Variants in WDR64 observed in about 807,000 individuals in gnomAD.
The protein encoded by WDR64 is WD repeat domain 64, also known as WD repeat-containing protein 64.
A neutral mutation model predicts 139.3 loss-of-function variants in WDR64; 112 were observed. That is an observed-to-expected ratio of 0.80 (90% CI 0.69 to 0.94). The LOEUF is 0.94. Ranked by LOEUF, WDR64 falls within the 40% of genes least tolerant of loss-of-function variation. WDR64 has a pLI of 0.00. For missense variants in WDR64, 1,206 were observed against 1,293.1 expected (o/e 0.93, Z 1.03); for synonymous variants, 444 against 437.7 (o/e 1.01, Z -0.18).
At position 241,757,532 on chromosome 1, in the gene WDR64, A is replaced by C. The variant is rs577629468; in HGVS notation, c.1947+73A>C. ...GAAATTTACAAACATATATAAAGGT[A>C]CAGAAAATAATACAAAGAGCTTCTA... On this transcript the variant is annotated intron_variant, in intron 15 of 27. Transcript: ENST00000437684. 9.9e-5 allele frequency: 138 copies of C among 1,387,844 alleles called. No homozygotes were observed. The African/African-American group carries it at 1.8e-3, about 18-fold the overall frequency. The allele number at this position is 1,387,844 out of a possible 1,614,324, so 86.0% of individuals were successfully genotyped here. A position where few individuals can be genotyped will look rare whatever the true frequency, so the allele number is the denominator to read the frequency against.
chr1:241,716,902 T>C (rs1384207721), intron 9 of WDR64, among the ~76,000 whole-genome samples: 1 of 152,206 alleles, frequency 6.6e-6, no homozygotes, highest in Non-Finnish European at 1.5e-5. Context: ...TTAAGAGGCC[T>C]AGATATTTCT....
chr1:241,784,953 G>GAAAAAAAAAAAAAAAAAA lies in WDR64; in HGVS notation c.2705+1578_2705+1595dup, dbSNP rs58720618. ...TGGGCGACAGAGTGAGACTCTGTCTGAAAAAAAAAAAAAAAAAAAAAAAGA... is the reference window on the plus strand; with the variant it reads ...TGGGCGACAGAGTGAGACTCTGTCTGAAAAAAAAAAAAAAAAAAAAAAAAAAAAAAAAAAAAAAAAAGA... On this transcript the variant is annotated intron_variant, in intron 23 of 27. Coordinates refer to ENST00000437684, the MANE Select transcript of WDR64 (RefSeq NM_001367482.1). Among the ~76,000 whole-genome samples, 158 of 62,180 alleles carry GAAAAAAAAAAAAAAAAAA rather than the reference G, an allele frequency of 2.5e-3. 1 individual carries two copies. Among genetic ancestry groups the GAAAAAAAAAAAAAAAAAA allele is most frequent in the South Asian group, 5.4e-3 (6 of 1,108 alleles). The allele number at this position is 62,180 out of a possible 152,430, so 40.8% of individuals were successfully genotyped here.
intron 15 of WDR64, among the ~76,000 whole-genome samples, chr1:241,762,862 G>C (rs1461559087): frequency 6.6e-6 from 1 of 151,774 alleles, no homozygotes; most frequent in African/African-American, 2.4e-5. Context: ...TACTGTATTA[G>C]TTTTCCTCAT....
At position 241,683,577 on chromosome 1, in the gene WDR64, C is replaced by T. The variant is rs764539282; in HGVS notation, c.715C>T (p.Leu239Phe). 7.1e-6 allele frequency: 11 copies of T among 1,551,500 alleles called. No homozygotes were observed. The South Asian group carries it at 1.2e-4, about 17-fold the overall frequency. The change falls in exon 7 of 28, where the codon CTC becomes TTC. Residue 239 changes from leucine (L) to phenylalanine (F), a missense_variant. By Grantham distance (22) the Leu-to-Phe change is conservative. Transcript: ENST00000437684. ...LPDHLCRDDI[L>F]LGDDGGFVNR... ...TGACCATCTCTGCCGAGATGACATC[C>T]TCTTGGGGGATGATGGGGGTTTTGT...
chr1:241,675,017 CTT>C (rs1311972157), intron 4 of WDR64, among the ~76,000 whole-genome samples: 4 of 39,196 alleles, frequency 1.0e-4, no homozygotes, highest in South Asian at 1.1e-3. Flanking sequence ...TCCTTCCTTT[CTT>C]CTTCCTTCCC....
chr1:241,771,698 G>A lies in WDR64; in HGVS notation c.2290+1G>A. On this transcript the variant is annotated splice_donor_variant, in intron 19 of 27. Transcript: ENST00000437684. LOFTEE classifies it high-confidence loss of function. ...AGCATACATGACAGTGAGGTTAAAG[G>A]TCAGTATGAAATCACCTCTCTTCTT... is the stretch of plus-strand genomic sequence containing the variant. 6.8e-7 allele frequency: 1 copy of A among 1,479,716 alleles called. No homozygotes were observed. Among genetic ancestry groups the A allele is most frequent in the Non-Finnish European group, 9.0e-7 (1 of 1,111,270 alleles). The allele number at this position is 1,479,716 out of a possible 1,614,324, so 91.7% of individuals were successfully genotyped here.
At chr1:241,733,000 C>G (rs970911922) in intron 10 of WDR64, among the ~76,000 whole-genome samples, 5 of 152,128 alleles carry the variant, frequency 3.3e-5, no homozygotes, top group Admixed American at 3.3e-4. Context: ...TCTACTTCAT[C>G]ATTATTTATT....
At chr1:241,740,901 T>A (rs1669514347) in intron 11 of WDR64, among the ~76,000 whole-genome samples, 1 of 152,222 alleles carries the variant, frequency 6.6e-6, no homozygotes, top group African/African-American at 2.4e-5. Context: ...GATACTTATA[T>A]CATACTTAGA....
chr1:241,687,355 T>C (rs78752834), intron 7 of WDR64, 106 bp from the exon 8 acceptor site: 99,518 of 1,337,492 alleles, frequency 0.074, 4,561 homozygotes, highest in South Asian at 0.14. Context: ...ATTCTACATT[T>C]GGGTTTAGTA....
intron 4 of WDR64, among the ~76,000 whole-genome samples, chr1:241,676,697 T>A (rs1372839914): frequency 6.6e-6 from 1 of 152,148 alleles, no homozygotes; most frequent in Non-Finnish European, 1.5e-5. Flanking sequence ...CACATATGTT[T>A]TTTATAAGAT....
At chr1:241,688,292 C>T (rs1667085945) in intron 8 of WDR64, among the ~76,000 whole-genome samples, 1 of 152,074 alleles carries the variant, frequency 6.6e-6, no homozygotes, top group South Asian at 2.1e-4. Context: ...AGCAGGGATC[C>T]CACATGGGCA....
chr1:241,693,085 C>T (rs1000093510), intron 8 of WDR64, among the ~76,000 whole-genome samples: 5 of 152,154 alleles, frequency 3.3e-5, no homozygotes, highest in African/African-American at 7.2e-5. Flanking sequence ...AAGTTGAAAA[C>T]GTATATTCAC....
At chr1:241,788,066 T>G in intron 24 of WDR64, 32 bp downstream of exon 24, 1 of 1,528,254 alleles carries the variant, frequency 6.5e-7, no homozygotes, top group Middle Eastern at 2.0e-4. Context: ...TAGATAAGCA[T>G]ACAAGAATCA....
At chr1:241,734,749 A>T (rs1410002368) in intron 10 of WDR64, among the ~76,000 whole-genome samples, 4 of 152,116 alleles carry the variant, frequency 2.6e-5, no homozygotes, top group Admixed American at 2.0e-4. Flanking sequence ...GCTAATTGCT[A>T]TTAATATAGA....
chr1:241,670,660 T>TG (rs1356713651), intron 2 of WDR64, among the ~76,000 whole-genome samples: 2 of 152,102 alleles, frequency 1.3e-5, no homozygotes, highest in Admixed American at 6.6e-5. Context: ...AGGTGATCAG[T>TG]GGGGGAGAGA....
Position 241,703,001 on chromosome 1 carries a change from G to A in WDR64, c.975-8801G>A, listed in dbSNP as rs1207659298. Among the ~76,000 whole-genome samples the A allele has an allele frequency of 6.6e-6, 1 of 152,118 alleles. No individual in the cohort carries two copies. The highest frequency in any genetic ancestry group is 1.5e-5 in the Non-Finnish European group (1 of 68,024). On this transcript the variant is annotated intron_variant, in intron 8 of 27. Coordinates refer to ENST00000437684, the MANE Select transcript of WDR64 (RefSeq NM_001367482.1). This position sits in a 1 kb window ranked among gnomAD's most constrained non-coding sequence, Gnocchi z 5.9. The stretch of plus-strand genomic sequence containing the variant: ...CACCCTCCCTTGCCCCTTGGGAATG[G>A]GCACAATATGGATCAATAAGAGGCA...
chr1:241,684,826 C>T (rs938035025), intron 7 of WDR64, among the ~76,000 whole-genome samples: 2 of 152,146 alleles, frequency 1.3e-5, no homozygotes, highest in Admixed American at 6.5e-5. Flanking sequence ...GGCGCAGTCT[C>T]GGCTCCCTGC....
chr1:241,673,947 C>G (rs1185104424), intron 3 of WDR64, among the ~76,000 whole-genome samples: 1 of 151,696 alleles, frequency 6.6e-6, no homozygotes, highest in East Asian at 1.9e-4. Flanking sequence ...GGTGAGAATT[C>G]AAAGAAAGGA....
intron 13 of WDR64, among the ~76,000 whole-genome samples, chr1:241,745,046 G>A (rs992559811): frequency 6.6e-6 from 1 of 152,328 alleles, no homozygotes; most frequent in African/African-American, 2.4e-5. Flanking sequence ...GGGCTAGGCC[G>A]TTTGGTGTGC....
Sources: gnomAD v4.1 joint callset for allele counts (sites outside exome capture counted in the v4.1 genomes callset) on GRCh38, gnomAD v4.1.1 for gene constraint, Gnocchi (gnomAD v3.1) non-coding constraint, MANE v1.5 for transcripts, NCBI Gene and HGNC (gene_info 2026-07-23, HGNC 2026-07-21) for gene names.